The following CALD1 variants were observed in gnomAD, a reference collection of about 807,000 sequenced individuals.
CALD1 encodes caldesmon 1, also known as caldesmon.
In CALD1, 33 loss-of-function variants were observed where a neutral mutation model predicts 99.9. The ratio of observed to expected loss-of-function variants is 0.33; its 90% confidence interval spans 0.25 to 0.44. CALD1 has a LOEUF of 0.44. Ranked by LOEUF, CALD1 falls within the 20% of genes least tolerant of loss-of-function variation. The pLI is 1.00. For synonymous variants in CALD1, 310 were observed against 325.0 expected, an observed-to-expected ratio of 0.95 and a Z score of 0.50; for missense variants, 861 against 962.1, an observed-to-expected ratio of 0.89 and a Z score of 1.39.
At chr7:134,751,135 C>T (rs977131671) in intron 1 of CALD1, among the ~76,000 whole-genome samples, 5 of 152,224 alleles carry the variant, frequency 3.3e-5, no homozygotes, top group African/African-American at 1.2e-4. Flanking sequence ...TTTCTACCTA[C>T]CACCTGTACA....
intron 9 of CALD1, among the ~76,000 whole-genome samples, chr7:134,956,731 A>T (rs778214700): frequency 3.3e-5 from 5 of 152,170 alleles, no homozygotes; most frequent in African/African-American, 4.8e-5. Context: ...AATCCAGTAG[A>T]TTTCTTGACT....
upstream of CALD1, chr7:134,779,449 G>A: frequency 2.6e-6 from 1 of 382,168 alleles, no homozygotes; most frequent in Non-Finnish European, 4.6e-6. Context: ...GGGAATGACA[G>A]GCATCTCCAC....
rs534480271 is a variant in CALD1 at position 134,938,651 on chromosome 7, T to C, written c.1387-2441T>C. On this transcript the variant is annotated intron_variant, in intron 6 of 14. Coordinates refer to ENST00000361675, the MANE Select transcript of CALD1 (RefSeq NM_033138.4). ...ATCTGCCATAACATCTAAAAAAAAA[T>C]GTAAAGGCTCTACGGAATTACTTTA... 4.2e-3 allele frequency among the ~76,000 whole-genome samples: 646 copies of C among 152,174 alleles called. 3 individuals are homozygous for C. Among genetic ancestry groups the C allele is most frequent in the African/African-American group, 0.015 (611 of 41,512 alleles).
At position 134,931,899 on chromosome 7, in the gene CALD1, C is replaced by T. The variant is rs139601277; in HGVS notation, c.219-1089C>T. ...ATTGTGTATACATTAGTTAGGGTAA[C>T]GCTGGCTGCTATAACGATTAGTGCC... On this transcript the variant is annotated intron_variant, in intron 4 of 14. Coordinates refer to ENST00000361675, the MANE Select transcript of CALD1 (RefSeq NM_033138.4). Among the ~76,000 whole-genome samples the T allele has an allele frequency of 7.9e-5, 12 of 152,276 alleles. No homozygotes were observed. The East Asian group carries it at 2.1e-3, about 27-fold the overall frequency.
chr7:134,922,687 G>C (rs568748443), intron 3 of CALD1, among the ~76,000 whole-genome samples: 2 of 152,184 alleles, frequency 1.3e-5, no homozygotes, highest in African/African-American at 4.8e-5. Flanking sequence ...TCTGGCTCTC[G>C]TCTGGCATAT....
At chr7:134,831,627 AT>A (rs1414998756) in intron 1 of CALD1, among the ~76,000 whole-genome samples, 1 of 152,092 alleles carries the variant, frequency 6.6e-6, no homozygotes. Context: ...TCTCTGCATA[AT>A]TTCTGTATTT....
chr7:134,759,956 C>G (rs994518091), intron 1 of CALD1, among the ~76,000 whole-genome samples: 7 of 152,174 alleles, frequency 4.6e-5, no homozygotes, highest in African/African-American at 1.7e-4. Context: ...CACATAGGGT[C>G]AATGAGGTCT....
chr7:134,888,669 C>T (rs752207752), intron 3 of CALD1, among the ~76,000 whole-genome samples: 2 of 152,134 alleles, frequency 1.3e-5, no homozygotes, highest in Admixed American at 6.6e-5. Context: ...GAACCAGGTC[C>T]AAGACTCACT....
At chr7:134,879,248 T>C (rs1463613674) in intron 3 of CALD1, among the ~76,000 whole-genome samples, 3 of 152,200 alleles carry the variant, frequency 2.0e-5, no homozygotes, top group Non-Finnish European at 4.4e-5. Context: ...ATGTGGTGGC[T>C]GTGTAAGTGG....
At chr7:134,754,675 C>A (rs986314576) in intron 1 of CALD1, among the ~76,000 whole-genome samples, 3 of 152,126 alleles carry the variant, frequency 2.0e-5, no homozygotes, top group Non-Finnish European at 4.4e-5. Context: ...AGGAAAATTA[C>A]TTTTTTTCAC....
the CALD1 span, among the ~76,000 whole-genome samples, chr7:134,713,371 T>C: frequency 3.9e-5 from 6 of 152,300 alleles, no homozygotes; most frequent in East Asian, 9.6e-4. Context: ...GTTGGAAACA[T>C]GGATGGCCCC....
rs557204313 is a variant in CALD1 at position 134,757,768 on chromosome 7, A to C, written c.-130+13405A>C. Among the ~76,000 whole-genome samples, 3 of 152,066 alleles carry C rather than the reference A, an allele frequency of 2.0e-5. No individual in the cohort carries two copies. In the East Asian group the frequency reaches 5.8e-4, roughly 29 times the overall value. On this transcript the variant is annotated intron_variant, in intron 1 of 13. Coordinates refer to the CALD1 transcript ENST00000417172. ...GTGGTGCGCGCCTGTGATCCCAGCT[A>C]CTCGGGAGGCTGAGGCAGGAGAATT...
intron 1 of CALD1, among the ~76,000 whole-genome samples, chr7:134,843,420 T>G (rs550205808): frequency 6.6e-6 from 1 of 152,376 alleles, no homozygotes; most frequent in East Asian, 1.9e-4. Flanking sequence ...TTAGTGACTC[T>G]GCCATTCATT....
At chr7:134,888,604 C>T (rs534386528) in intron 3 of CALD1, among the ~76,000 whole-genome samples, 26 of 152,298 alleles carry the variant, frequency 1.7e-4, no homozygotes, top group South Asian at 8.3e-4. Context: ...TGCGTCTTCC[C>T]GCGTTGCCTG....
At chr7:134,884,230 G>A (rs905762142) in intron 3 of CALD1, among the ~76,000 whole-genome samples, 3 of 152,204 alleles carry the variant, frequency 2.0e-5, no homozygotes, top group African/African-American at 7.2e-5. Flanking sequence ...AGGGTTGGTT[G>A]AGTTTCAGGG....
At chr7:134,889,008 A>C (rs1202916497) in intron 3 of CALD1, among the ~76,000 whole-genome samples, 1 of 152,224 alleles carries the variant, frequency 6.6e-6, no homozygotes, top group Non-Finnish European at 1.5e-5. Context: ...CCATTTTATG[A>C]ACCTATTCTG....
intron 1 of CALD1, among the ~76,000 whole-genome samples, chr7:134,750,853 T>C (rs915685351): frequency 8.5e-5 from 13 of 152,224 alleles, no homozygotes; most frequent in African/African-American, 2.7e-4. Context: ...CATTTTTCTC[T>C]GACTCACTTC....
chr7:134,764,936 T>A (rs1236649933), intron 1 of CALD1, among the ~76,000 whole-genome samples: 2 of 152,222 alleles, frequency 1.3e-5, no homozygotes, highest in Non-Finnish European at 2.9e-5. Context: ...TTGATTCCCC[T>A]AAAATGCTCA....
At chr7:134,757,276 A>C (rs1796738438) in intron 1 of CALD1, among the ~76,000 whole-genome samples, 3 of 152,172 alleles carry the variant, frequency 2.0e-5, no homozygotes, top group South Asian at 4.1e-4. Context: ...GTAGACTAGA[A>C]TGTGAATGAC....
Sources: gnomAD v4.1 joint callset for allele counts (sites outside exome capture counted in the v4.1 genomes callset) on GRCh38, gnomAD v4.1.1 for gene constraint, MANE v1.5 for transcripts, NCBI Gene and HGNC (gene_info 2026-07-23, HGNC 2026-07-21) for gene names.